Variants in LHFPL3 observed in about 807,000 individuals in gnomAD.
LHFPL3 encodes LHFPL tetraspan subfamily member 3.
In LHFPL3, 5 loss-of-function variants were observed where a neutral mutation model predicts 19.3. The ratio of observed to expected loss-of-function variants is 0.26; its 90% CI spans 0.14 to 0.54. The LOEUF (loss-of-function observed/expected upper bound fraction) is 0.54. LHFPL3 is among the 20% of genes least tolerant of loss of function. The pLI is 0.94. For synonymous variants in LHFPL3, 133 were observed against 126.2 expected (o/e 1.05, Z -0.36); for missense variants, 249 against 307.4 (o/e 0.81, Z 1.42).
intron 1 of LHFPL3, among the ~76,000 whole-genome samples, chr7:104,656,814 C>T (rs1306321666): frequency 1.3e-5 from 2 of 152,208 alleles, no homozygotes; most frequent in Non-Finnish European, 2.9e-5. Flanking sequence ...CCTTTTAACA[C>T]ATTATGTGGA....
intron 1 of LHFPL3, among the ~76,000 whole-genome samples, chr7:104,663,429 C>T (rs547052718): frequency 3.9e-5 from 6 of 152,286 alleles, no homozygotes; most frequent in African/African-American, 1.2e-4. Context: ...GATCATGCAG[C>T]GATTCTGGCT....
intron 1 of LHFPL3, among the ~76,000 whole-genome samples, chr7:104,542,071 T>A (rs1365187911): frequency 6.6e-6 from 1 of 151,708 alleles, no homozygotes; most frequent in Non-Finnish European, 1.5e-5. Flanking sequence ...CCAAGTAAGA[T>A]AAGGGCAGAG....
At chr7:104,400,104 C>CAAAAAAAAAAAAAAAAAAAAAA (rs398005676) in intron 1 of LHFPL3, among the ~76,000 whole-genome samples, 7 of 25,738 alleles carry the variant, frequency 2.7e-4, no homozygotes, top group Non-Finnish European at 4.2e-4. Flanking sequence ...AACTCCATCT[C>CAAAAAAAAAAAAAAAAAAAAAA]AAAAAAAAAA....
intron 2 of LHFPL3, among the ~76,000 whole-genome samples, chr7:104,882,770 G>A (rs1792081635): frequency 6.6e-6 from 1 of 152,132 alleles, no homozygotes; most frequent in Non-Finnish European, 1.5e-5. Context: ...CTTTTAAGAG[G>A]TGTTTTATGA....
At position 104,829,532 on chromosome 7, in the gene LHFPL3, C is replaced by A. The variant is rs528164363; in HGVS notation, c.683-76655C>A. 4.0e-5 allele frequency among the ~76,000 whole-genome samples: 6 copies of A among 151,770 alleles called. No individual in the cohort carries two copies. The East Asian group carries it at 1.2e-3, about 29-fold the overall frequency. On this transcript the variant is annotated intron_variant, in intron 2 of 2. Transcript: ENST00000424859. ...AGTGTGATGTTCCCCTTCCTGTGTCCAGGTGTTCTCATTGTTCAGTTCCCA... is the reference window on the plus strand; with the variant it reads ...AGTGTGATGTTCCCCTTCCTGTGTCAAGGTGTTCTCATTGTTCAGTTCCCA...
At chr7:104,812,803 C>CA (rs59809377) in intron 2 of LHFPL3, among the ~76,000 whole-genome samples, 6 of 31,338 alleles carry the variant, frequency 1.9e-4, no homozygotes, top group East Asian at 1.2e-3. Flanking sequence ...GACTCCATCT[C>CA]AAAAAAAAAA....
intron 1 of LHFPL3, among the ~76,000 whole-genome samples, chr7:104,667,264 T>TGGGGGGGG (rs112543248): frequency 4.7e-5 from 7 of 148,142 alleles, no homozygotes; most frequent in African/African-American, 1.5e-4. Context: ...TCTGTTTTCT[T>TGGGGGGGG]GGGGGGGGGA....
At chr7:104,895,234 G>A (rs1279110015) in intron 2 of LHFPL3, 1 of 152,184 alleles carries the variant, frequency 6.6e-6, no homozygotes, top group Non-Finnish European at 1.5e-5. Context: ...CCAGAGCTGG[G>A]ACACACCTGG....
chr7:104,665,208 G>T (rs1792308798), intron 1 of LHFPL3, among the ~76,000 whole-genome samples: 1 of 152,046 alleles, frequency 6.6e-6, no homozygotes, highest in Non-Finnish European at 1.5e-5. Context: ...AAACATGTTT[G>T]TTATCTACAA....
chr7:104,444,167 C>A (rs1167298448), intron 1 of LHFPL3, among the ~76,000 whole-genome samples: 1 of 152,170 alleles, frequency 6.6e-6, no homozygotes, highest in Non-Finnish European at 1.5e-5. Context: ...AGATACCAGC[C>A]AGGGGCCATT....
At chr7:104,520,199 C>G (rs1166013835) in intron 1 of LHFPL3, among the ~76,000 whole-genome samples, 6 of 152,108 alleles carry the variant, frequency 3.9e-5, no homozygotes, top group Non-Finnish European at 7.4e-5. Context: ...CATCTATTGA[C>G]ATAATCATGT....
At chr7:104,670,856 G>GT (rs1262265309) in intron 1 of LHFPL3, among the ~76,000 whole-genome samples, 95 of 133,648 alleles carry the variant, frequency 7.1e-4, no homozygotes, top group Middle Eastern at 3.8e-3. Flanking sequence ...AGACCAATGT[G>GT]TTTTGTTTTG....
rs540643617 is a variant in LHFPL3, at chr7:104,646,560, A to G, written c.446-90115A>G. Among the ~76,000 whole-genome samples the G allele has an allele frequency of 2.6e-5, 4 of 152,342 alleles. No individual in the cohort carries two copies. In the East Asian group the frequency reaches 7.7e-4, roughly 29 times the overall value. ...ATTGGGAAAATAAATTCTAAACTCAATAAGAAAATTGTTTTAACTGGGAAG... is the reference window on the plus strand; with the variant it reads ...ATTGGGAAAATAAATTCTAAACTCAGTAAGAAAATTGTTTTAACTGGGAAG... On this transcript the variant is annotated intron_variant, in intron 1 of 2. Transcript: ENST00000424859.
intron 1 of LHFPL3, among the ~76,000 whole-genome samples, chr7:104,384,515 G>A (rs1388137402): frequency 1.3e-5 from 2 of 152,044 alleles, no homozygotes; most frequent in African/African-American, 4.8e-5. Flanking sequence ...GGCCGGGCAT[G>A]GTGGCTCATG....
chr7:104,339,803 G>A (rs1324048782), intron 1 of LHFPL3, among the ~76,000 whole-genome samples: 1 of 152,098 alleles, frequency 6.6e-6, no homozygotes, highest in Non-Finnish European at 1.5e-5. Flanking sequence ...TTCCCCTAAT[G>A]TGCCCTTGGT....
intron 1 of LHFPL3, among the ~76,000 whole-genome samples, chr7:104,598,044 A>G (rs1206034490): frequency 2.0e-5 from 3 of 152,288 alleles, no homozygotes; most frequent in Non-Finnish European, 2.9e-5. Context: ...CAAAAATTTT[A>G]TGGGGACAAT....
At chr7:104,350,576 G>T (rs574418459) in intron 1 of LHFPL3, among the ~76,000 whole-genome samples, 2 of 152,292 alleles carry the variant, frequency 1.3e-5, no homozygotes, top group Admixed American at 1.3e-4. Context: ...CAGAGTGATG[G>T]GCTGTTCTAG....
chr7:104,567,356 G>A (rs1285674885), intron 1 of LHFPL3, among the ~76,000 whole-genome samples: 1 of 152,170 alleles, frequency 6.6e-6, no homozygotes, highest in Non-Finnish European at 1.5e-5. Flanking sequence ...TGGCTTGACA[G>A]AGACTTCTTC....
chr7:104,684,453 C>CA (rs1172116764), intron 1 of LHFPL3, among the ~76,000 whole-genome samples: 2 of 152,174 alleles, frequency 1.3e-5, no homozygotes, highest in Non-Finnish European at 2.9e-5. Context: ...AATGCATACA[C>CA]AAAAAATGAG....
Sources: gnomAD v4.1 joint callset for allele counts (sites outside exome capture counted in the v4.1 genomes callset) on GRCh38, gnomAD v4.1.1 for gene constraint, MANE v1.5 for transcripts, NCBI Gene and HGNC (gene_info 2026-07-23, HGNC 2026-07-21) for gene names.